The following RAP1GAP2 variants were observed in gnomAD, a reference collection of about 807,000 sequenced individuals.
RAP1GAP2 encodes rap1 GTPase-activating protein 2.
Under a neutral mutation model 95.0 loss-of-function variants are expected in RAP1GAP2, and 27 were observed. The observed-to-expected ratio is 0.28, with a 90% confidence interval of 0.21 to 0.39. The LOEUF (loss-of-function observed/expected upper bound fraction) is 0.39, where lower values mean the gene tolerates loss of function less well. Ranked by LOEUF, RAP1GAP2 falls within the 10% of genes least tolerant of loss-of-function variation. The pLI, the probability that RAP1GAP2 is intolerant of heterozygous loss-of-function variation, is 1.00. For missense variants in RAP1GAP2, 771 were observed against 970.0 expected (o/e 0.79, Z 2.72); for synonymous variants, 373 against 380.9 (o/e 0.98, Z 0.24).
Position 2,931,280 on chromosome 17 carries a change from T to TGTGTGTGTGTGTG in RAP1GAP2, c.165+25912_165+25913insGTGTGTGTGTGTG, listed in dbSNP as rs2043143190. On this transcript the variant is annotated intron_variant, in intron 3 of 24. Coordinates refer to ENST00000254695, the MANE Select transcript of RAP1GAP2 (RefSeq NM_015085.5). ...TATGTTTGCCATGAGTGAGTGTTTC[T>TGTGTGTGTGTGTG]TGTGTGTGTGTGTGTGTGTGTGTGT... Among the ~76,000 whole-genome samples the TGTGTGTGTGTGTG allele has an allele frequency of 7.1e-4, 104 of 146,756 alleles. 1 individual carries two copies. The highest frequency in any genetic ancestry group is 2.5e-3 in the African/African-American group (98 of 38,860).
chr17:2,864,105 G>C (rs929390589), intron 2 of RAP1GAP2, among the ~76,000 whole-genome samples: 1 of 150,438 alleles, frequency 6.6e-6, no homozygotes, highest in East Asian at 1.9e-4. Flanking sequence ...TCACCGTCTT[G>C]TCCCGTACGT....
chr17:2,757,791 C>T (rs1341340067), intron 1 of RAP1GAP2, among the ~76,000 whole-genome samples: 6 of 152,112 alleles, frequency 3.9e-5, no homozygotes, highest in Admixed American at 3.9e-4. Flanking sequence ...GCTTGGATGC[C>T]TGTTTTGACT....
In RAP1GAP2 at chr17:3,029,701, A is replaced by G. The variant is rs61584762; in HGVS notation, c.2108-1221A>G. ...CAGCAGCTTCCAGGAAGGCTGCACTAAGCTTTCCATACCCTCGGCCAGAGG... is the reference window on the plus strand; with the variant it reads ...CAGCAGCTTCCAGGAAGGCTGCACTGAGCTTTCCATACCCTCGGCCAGAGG... On this transcript the variant is annotated intron_variant, in intron 22 of 24. Coordinates refer to ENST00000254695, the MANE Select transcript of RAP1GAP2 (RefSeq NM_015085.5). This position sits in a 1 kb window ranked among gnomAD's most constrained non-coding sequence, Gnocchi z 4.4. Among the ~76,000 whole-genome samples the G allele has an allele frequency of 0.016, 2,454 of 152,188 alleles. 73 individuals are homozygous for G. Among genetic ancestry groups the G allele is most frequent in the African/African-American group, 0.056 (2,341 of 41,508 alleles).
rs552073621 is a variant in RAP1GAP2, at chr17:2,834,136, A to G, written c.80+33586A>G. On this transcript the variant is annotated intron_variant, in intron 2 of 24. Coordinates refer to ENST00000254695, the MANE Select transcript of RAP1GAP2 (RefSeq NM_015085.5). ...AAAAGCCCTCCAGAGGGCTTTACTG[A>G]CCAGAGAGGTGGCTAGAGAGTTGGC... Among the ~76,000 whole-genome samples the G allele has an allele frequency of 5.3e-5, 8 of 152,208 alleles. No individual in the cohort carries two copies. The East Asian group carries it at 1.2e-3, about 22-fold the overall frequency.
intron 4 of RAP1GAP2, among the ~76,000 whole-genome samples, chr17:2,958,993 C>T (rs754530607): frequency 6.6e-6 from 1 of 152,044 alleles, no homozygotes; most frequent in Non-Finnish European, 1.5e-5. Context: ...CATCAGCTTG[C>T]GGAAACCAGG....
At chr17:2,844,256 G>T (rs2071488455) in intron 2 of RAP1GAP2, among the ~76,000 whole-genome samples, 1 of 152,080 alleles carries the variant, frequency 6.6e-6, no homozygotes. Flanking sequence ...CCCTGACCTC[G>T]TGATCTGCCC....
chr17:2,765,753 AAG>A (rs2068263951), intron 1 of RAP1GAP2, among the ~76,000 whole-genome samples: 1 of 151,526 alleles, frequency 6.6e-6, no homozygotes, highest in Middle Eastern at 3.4e-3. Flanking sequence ...AAAAAAAAAA[AAG>A]AGTTTGAGCA....
At chr17:2,791,578 T>A (rs1340790275), upstream of RAP1GAP2, among the ~76,000 whole-genome samples, 21 of 152,204 alleles carry the variant, frequency 1.4e-4, no homozygotes, top group Non-Finnish European at 1.5e-5. Context: ...TTGGTTGGAT[T>A]CCTTCACTTC....
rs143187036 is a variant in RAP1GAP2, at chr17:3,035,588, C to T, written c.*2227C>T. ...AGACCTGAGATGGGGTCTCCATGCC[C>T]GGTTTGCTGTTGGAATGATCTGAAC... On this transcript the variant is annotated 3_prime_UTR_variant, in exon 25 of 25. Coordinates refer to ENST00000254695, the MANE Select transcript of RAP1GAP2 (RefSeq NM_015085.5). The surrounding 1 kb of genome is among the most constrained non-coding windows in gnomAD (Gnocchi z 4.3). 45 of 152,608 alleles carry T rather than the reference C, an allele frequency of 2.9e-4. No homozygotes were observed. The highest frequency in any genetic ancestry group is 1.0e-3 in the African/African-American group (42 of 41,570). 9.5% of individuals were successfully genotyped at this position (152,608 alleles called of 1,614,324 possible).
upstream of RAP1GAP2, among the ~76,000 whole-genome samples, chr17:2,791,677 C>T (rs369680870): frequency 3.9e-4 from 60 of 152,160 alleles, no homozygotes; most frequent in African/African-American, 1.2e-3. Context: ...GCGCTTTGGT[C>T]CGCGCTGGCC....
At chr17:2,949,776 G>A (rs950059265) in intron 3 of RAP1GAP2, among the ~76,000 whole-genome samples, 9 of 152,190 alleles carry the variant, frequency 5.9e-5, no homozygotes, top group Non-Finnish European at 1.0e-4. Context: ...TGCTGTTCCC[G>A]GCTGGCCTGA....
At chr17:3,011,741 T>A (rs1403680051) in intron 17 of RAP1GAP2, among the ~76,000 whole-genome samples, 2 of 149,372 alleles carry the variant, frequency 1.3e-5, no homozygotes, top group Non-Finnish European at 3.0e-5. Context: ...TGCCTCAGCC[T>A]CCCGAGTAGC....
At position 2,965,791 on chromosome 17, in the gene RAP1GAP2, G is replaced by A; in HGVS notation, c.596+148G>A. 1.5e-6 allele frequency: 1 copy of A among 645,368 alleles called. No homozygotes were observed. The highest frequency in any genetic ancestry group is 2.7e-6 in the Non-Finnish European group (1 of 375,184). 40.0% of individuals were successfully genotyped at this position (645,368 alleles called of 1,614,324 possible). On this transcript the variant is annotated intron_variant, in intron 8 of 24. Coordinates refer to ENST00000254695, the MANE Select transcript of RAP1GAP2 (RefSeq NM_015085.5). This position sits in a 1 kb window ranked among gnomAD's most constrained non-coding sequence, Gnocchi z 4.7. ...ACGGGGACAGGCCTGCTGGAATCCT[G>A]GGGCTGTGTCTGAAGTTGCCTAGCA...
chr17:2,796,101 G>A (rs1184939981), upstream of RAP1GAP2, among the ~76,000 whole-genome samples: 1 of 152,176 alleles, frequency 6.6e-6, no homozygotes, highest in East Asian at 1.9e-4. The surrounding 1 kb of genome is among the most constrained non-coding windows in gnomAD (Gnocchi z 4.7). Flanking sequence ...AAGGTCCCCA[G>A]TGCTCAGGCG....
At chr17:2,861,534 C>T (rs1033655094) in intron 2 of RAP1GAP2, among the ~76,000 whole-genome samples, 1 of 147,736 alleles carries the variant, frequency 6.8e-6, no homozygotes, top group Admixed American at 6.8e-5. Flanking sequence ...ATGGCGTGAT[C>T]TGGGTTCACT....
chr17:2,885,326 C>T (rs1232072806), intron 2 of RAP1GAP2, among the ~76,000 whole-genome samples: 1 of 152,216 alleles, frequency 6.6e-6, no homozygotes, highest in Non-Finnish European at 1.5e-5. Context: ...GCCACCGCGC[C>T]CGGCAGATAG....
At chr17:2,860,437 T>C (rs532718098) in intron 2 of RAP1GAP2, among the ~76,000 whole-genome samples, 39 of 146,260 alleles carry the variant, frequency 2.7e-4, no homozygotes, top group African/African-American at 9.8e-4. Flanking sequence ...TAATTCCTCC[T>C]GAGCCACTAT....
At chr17:3,014,547 T>A (rs1291831061) in intron 17 of RAP1GAP2, among the ~76,000 whole-genome samples, 1 of 4,486 alleles carries the variant, frequency 2.2e-4, no homozygotes, top group Non-Finnish European at 4.7e-4. Flanking sequence ...AGATGCTGAT[T>A]TTTTTTTTTT....
chr17:2,887,672 G>T (rs1294068982), intron 2 of RAP1GAP2, among the ~76,000 whole-genome samples: 44 of 137,126 alleles, frequency 3.2e-4, no homozygotes, highest in Admixed American at 6.0e-4. Context: ...ACCGCGCTTG[G>T]TTTTTTTGTT....
Sources: allele counts gnomAD v4.1 joint callset (sites outside exome capture counted in the v4.1 genomes callset), GRCh38; gene constraint gnomAD v4.1.1; non-coding constraint Gnocchi (gnomAD v3.1); transcripts MANE v1.5; gene names NCBI Gene and HGNC (gene_info 2026-07-23, HGNC 2026-07-21).